Variants in PRKCQ observed in about 807,000 individuals in gnomAD.
PRKCQ encodes protein kinase C theta type.
Under a neutral mutation model 91.2 loss-of-function variants are expected in PRKCQ, and 41 were observed. The ratio of observed to expected loss-of-function variants is 0.45; its 90% CI spans 0.35 to 0.58. The LOEUF (loss-of-function observed/expected upper bound fraction) is 0.58. PRKCQ is among the 20% of genes least tolerant of loss of function. The pLI, the probability that PRKCQ is intolerant of heterozygous loss-of-function variation, is 0.00. For missense variants in PRKCQ, 673 were observed against 896.5 expected (o/e 0.75, Z 3.18); for synonymous variants, 307 against 316.9 (o/e 0.97, Z 0.33).
chr10:6,435,039 C>A (rs1045715357), intron 16 of PRKCQ, among the ~76,000 whole-genome samples: 2 of 152,160 alleles, frequency 1.3e-5, no homozygotes, highest in African/African-American at 2.4e-5. Flanking sequence ...CTCAGCCTCC[C>A]GAGTAGCTGG....
chr10:6,492,306 A>T (rs1227025589), intron 7 of PRKCQ, among the ~76,000 whole-genome samples: 1 of 152,142 alleles, frequency 6.6e-6, no homozygotes, highest in Non-Finnish European at 1.5e-5. Context: ...ATTACTGCCT[A>T]ATGTGAGAAG....
chr10:6,478,589 C>G (rs1298846773), intron 12 of PRKCQ, among the ~76,000 whole-genome samples: 1 of 152,106 alleles, frequency 6.6e-6, no homozygotes, highest in Non-Finnish European at 1.5e-5. Context: ...TTTCTGCCAG[C>G]CTTGAAGAGA....
intron 1 of PRKCQ, among the ~76,000 whole-genome samples, chr10:6,525,296 G>A (rs494202): frequency 0.62 from 93,450 of 151,880 alleles, 29,548 homozygotes; most frequent in Admixed American, 0.7. Flanking sequence ...TTTAAAAAAA[G>A]GCTGGGCATG....
chr10:6,470,257 T>C (rs1013723875), intron 12 of PRKCQ, among the ~76,000 whole-genome samples: 4 of 152,002 alleles, frequency 2.6e-5, no homozygotes, highest in Non-Finnish European at 1.5e-5. Flanking sequence ...TTCCTCTTCT[T>C]ACCACCCCAA....
chr10:6,540,196 G>C (rs1432811235), intron 1 of PRKCQ, among the ~76,000 whole-genome samples: 1 of 152,130 alleles, frequency 6.6e-6, no homozygotes, highest in Non-Finnish European at 1.5e-5. Flanking sequence ...AGGATACTCA[G>C]TCTATGTTTA....
intron 2 of PRKCQ, among the ~76,000 whole-genome samples, 175 bp downstream of exon 2, chr10:6,514,843 T>A (rs952165647): frequency 6.6e-6 from 1 of 152,144 alleles, no homozygotes; most frequent in Non-Finnish European, 1.5e-5. Context: ...TTAGAGTCCA[T>A]CACGAAATGT....
chr10:6,553,199 A>T (rs2130938449), intron 1 of PRKCQ, among the ~76,000 whole-genome samples: 1 of 152,336 alleles, frequency 6.6e-6, no homozygotes, highest in Admixed American at 6.5e-5. Context: ...GGTTTTAATG[A>T]TCTCCTGGAC....
the PRKCQ span, among the ~76,000 whole-genome samples, chr10:6,404,259 A>AG: frequency 8.0e-6 from 1 of 125,054 alleles, no homozygotes; most frequent in Non-Finnish European, 1.7e-5. Context: ...GGGGGGGGAG[A>AG]GAGAGAGAGA....
intron 16 of PRKCQ, among the ~76,000 whole-genome samples, chr10:6,439,274 C>T (rs971773676): frequency 6.6e-6 from 1 of 152,094 alleles, no homozygotes; most frequent in Admixed American, 6.5e-5. Context: ...CGCTGAATTC[C>T]GTTTTGATGG....
At chr10:6,443,990 T>C (rs1169427320) in intron 15 of PRKCQ, among the ~76,000 whole-genome samples, 1 of 152,106 alleles carries the variant, frequency 6.6e-6, no homozygotes, top group Non-Finnish European at 1.5e-5. Flanking sequence ...GAGCTGGTAT[T>C]TAATGGGGAC....
intron 17 of PRKCQ, among the ~76,000 whole-genome samples, chr10:6,429,652 C>CTCT (rs1423877449): frequency 6.6e-6 from 1 of 152,158 alleles, no homozygotes; most frequent in Non-Finnish European, 1.5e-5. Context: ...CTTTGCTCTA[C>CTCT]TCTTTTAAAA....
chr10:6,479,293 C>G, intron 11 of PRKCQ, 128 bp from the exon 12 acceptor site: 1 of 973,876 alleles, frequency 1.0e-6, no homozygotes, highest in Non-Finnish European at 1.5e-6. Flanking sequence ...CCCCATCCAT[C>G]CTGCATAGGC....
intron 12 of PRKCQ, among the ~76,000 whole-genome samples, chr10:6,474,190 G>A (rs1342042363): frequency 1.3e-5 from 2 of 152,232 alleles, no homozygotes; most frequent in African/African-American, 4.8e-5. Context: ...TATTGGGAGT[G>A]TGGGAGTCAA....
At chr10:6,566,572 G>A (rs985584803) in intron 1 of PRKCQ, among the ~76,000 whole-genome samples, 1 of 152,142 alleles carries the variant, frequency 6.6e-6, no homozygotes, top group Non-Finnish European at 1.5e-5. Context: ...CCCTGGCAGA[G>A]CAGGACTAGG....
At chr10:6,477,556 G>T (rs1016576873) in intron 12 of PRKCQ, among the ~76,000 whole-genome samples, 1 of 152,104 alleles carries the variant, frequency 6.6e-6, no homozygotes, top group Non-Finnish European at 1.5e-5. Context: ...CTCTCCAGTC[G>T]TCATGGCTTG....
intron 1 of PRKCQ, among the ~76,000 whole-genome samples, chr10:6,520,448 T>G (rs901559872): frequency 6.6e-6 from 1 of 152,320 alleles, no homozygotes; most frequent in East Asian, 1.9e-4. Context: ...CCAATCTCCA[T>G]GCTCCAGCCT....
chr10:6,498,392 G>A lies in PRKCQ; in HGVS notation c.542+4C>T, dbSNP rs1837730882. On this transcript the variant is annotated splice_donor_region_variant and intron_variant, in intron 5 of 17. Transcript: ENST00000263125. Reference sequence around the variant, plus strand: ...GCTTGGAGGGAGATGCCAAGTTACTGTACCAGACAAACTCGTGGCAGACAG... The same window carrying A: ...GCTTGGAGGGAGATGCCAAGTTACTATACCAGACAAACTCGTGGCAGACAG... The A allele has an allele frequency of 6.2e-7, 1 of 1,613,996 alleles. No individual in the cohort carries two copies. Among genetic ancestry groups the A allele is most frequent in the Non-Finnish European group, 8.5e-7 (1 of 1,179,986 alleles).
At chr10:6,431,016 T>C in intron 16 of PRKCQ, 78 bp from the exon 17 acceptor site, 1 of 1,516,104 alleles carries the variant, frequency 6.6e-7, no homozygotes, top group Non-Finnish European at 8.9e-7. Flanking sequence ...TGCTTCCTGG[T>C]GCACCAGCCC....
At chr10:6,429,381 G>A (rs681071) in intron 17 of PRKCQ, among the ~76,000 whole-genome samples, 10,808 of 152,330 alleles carry the variant, frequency 0.071, 492 homozygotes, top group Middle Eastern at 0.13. Context: ...TCTGTCACAA[G>A]TAATTAGAGT....
Sources: allele counts gnomAD v4.1 joint callset (sites outside exome capture counted in the v4.1 genomes callset), GRCh38; gene constraint gnomAD v4.1.1; transcripts MANE v1.5; gene names NCBI Gene and HGNC (gene_info 2026-07-23, HGNC 2026-07-21).